FAM72D: variants seen among roughly 807,000 people sequenced by gnomAD.
The protein encoded by FAM72D is RUMY family member 4, also known as protein FAM72D.
For synonymous variants in FAM72D, 4 were observed against 35.1 expected (o/e 0.11, Z 3.13); for missense variants, 9 against 104.7 (o/e 0.09, Z 3.99).
intron 3 of FAM72D, among the ~76,000 whole-genome samples, chr1:145,105,781 C>T (rs1553638374): frequency 6.7e-5 from 10 of 148,166 alleles, no homozygotes; most frequent in Admixed American, 4.7e-4. Flanking sequence ...GGAGAAACCC[C>T]GTCTCTACTA....
At chr1:145,107,110 G>C (rs1553638502) in intron 3 of FAM72D, among the ~76,000 whole-genome samples, 2 of 75,618 alleles carry the variant, frequency 2.6e-5, no homozygotes, top group Admixed American at 2.7e-4. Context: ...CTCCAGCCTG[G>C]GCAACAGAGT....
chr1:145,105,999 G>T, intron 3 of FAM72D, among the ~76,000 whole-genome samples: 1 of 145,706 alleles, frequency 6.9e-6, no homozygotes. Flanking sequence ...GTTTAGTGTA[G>T]CCACCTTCAT....
intron 3 of FAM72D, among the ~76,000 whole-genome samples, chr1:145,105,947 C>T (rs1654904075): frequency 6.8e-6 from 1 of 146,454 alleles, no homozygotes; most frequent in Admixed American, 6.7e-5. Context: ...AGTGAAACTC[C>T]ATCTCAAAAA....
rs9697678 is a variant in FAM72D, at chr1:145,100,735, G to A, written c.230+1670G>A. Among the ~76,000 whole-genome samples the A allele has an allele frequency of 4.8e-3, 715 of 149,216 alleles. 7 individuals are homozygous for A. The highest frequency in any genetic ancestry group is 0.011 in the African/African-American group (450 of 39,372). On this transcript the variant is annotated intron_variant, in intron 2 of 3. Coordinates refer to ENST00000400889, the MANE Select transcript of FAM72D (RefSeq NM_207418.3). ...TCAAACTCCTGAGCTCAGGCAGTCC[G>A]CCTGCCTTGGCCTCCCTAAGTGCTA...
intron 2 of FAM72D, among the ~76,000 whole-genome samples, chr1:145,101,075 G>A (rs1196206586): frequency 2.0e-5 from 3 of 150,322 alleles, no homozygotes; most frequent in Admixed American, 1.3e-4. Flanking sequence ...CCGAGTAGCT[G>A]GGACTACAGG....
intron 2 of FAM72D, among the ~76,000 whole-genome samples, chr1:145,102,200 A>G (rs1261511270): frequency 1.0e-4 from 7 of 69,372 alleles, no homozygotes; most frequent in African/African-American, 1.4e-4. Context: ...CACTGAGACT[A>G]AAATTAGAGC....
chr1:145,100,734 C>T (rs1320168004), intron 2 of FAM72D, among the ~76,000 whole-genome samples: 10 of 149,900 alleles, frequency 6.7e-5, no homozygotes, highest in South Asian at 2.1e-4. Flanking sequence ...TCAGGCAGTC[C>T]GCCTGCCTTG....
intron 2 of FAM72D, among the ~76,000 whole-genome samples, chr1:145,101,089 A>G (rs9697523): frequency 0.056 from 8,234 of 146,768 alleles, 504 homozygotes; most frequent in African/African-American, 0.2. Context: ...CTACAGGCAC[A>G]TGCCACCATG....
At chr1:145,107,393 C>G (rs1327659470) in intron 3 of FAM72D, among the ~76,000 whole-genome samples, 1 of 119,334 alleles carries the variant, frequency 8.4e-6, no homozygotes, top group East Asian at 2.5e-4. Flanking sequence ...TACAGGCATA[C>G]GCCCAGCTAA....
In FAM72D at chr1:145,112,487, G is replaced by C. The variant is rs1262522279; in HGVS notation, c.*890G>C. 1.0e-4 allele frequency: 15 copies of C among 147,192 alleles called. 2 individuals are homozygous for C. Among genetic ancestry groups the C allele is most frequent in the African/African-American group, 3.8e-4 (14 of 37,156 alleles). The allele number at this position is 147,192 out of a possible 1,614,324, so 9.1% of individuals were successfully genotyped here. On this transcript the variant is annotated 3_prime_UTR_variant, in exon 4 of 4. Transcript: ENST00000400889. ...AGAGCTACAAAGGAATAGGAAAGTA[G>C]GGTAGTGTTGGATTCTGGTTTTATG... is the stretch of plus-strand genomic sequence containing the variant.
chr1:145,102,708 A>G (rs1245856064), intron 2 of FAM72D, among the ~76,000 whole-genome samples: 1 of 110,688 alleles, frequency 9.0e-6, no homozygotes, highest in African/African-American at 3.3e-5. Flanking sequence ...CGGAGGTTGC[A>G]GGCACTCCAG....
At chr1:145,097,133 G>A in intron 1 of FAM72D, 134 bp downstream of exon 1, 2 of 1,532,164 alleles carry the variant, frequency 1.3e-6, no homozygotes, top group African/African-American at 3.2e-5. Context: ...TGATCCCCTT[G>A]TAATATATCT....
chr1:145,097,238 C>G (rs1553637332), intron 1 of FAM72D, among the ~76,000 whole-genome samples: 2 of 136,572 alleles, frequency 1.5e-5, no homozygotes. Context: ...TGCGACCACA[C>G]ATCTCTTAAG....
intron 3 of FAM72D, among the ~76,000 whole-genome samples, chr1:145,105,678 C>T (rs1457528579): frequency 5.3e-5 from 8 of 149,970 alleles, no homozygotes; most frequent in Non-Finnish European, 7.4e-5. Context: ...AGAGGCCGGG[C>T]GCGGTGGCTC....
intron 2 of FAM72D, among the ~76,000 whole-genome samples, chr1:145,100,862 C>G (rs1473002754): frequency 6.7e-6 from 1 of 150,054 alleles, no homozygotes; most frequent in East Asian, 2.0e-4. Flanking sequence ...TCTCAAACTC[C>G]TGACCTCAAG....
chr1:145,102,024 A>T (rs1198361348), intron 2 of FAM72D, among the ~76,000 whole-genome samples: 1 of 127,698 alleles, frequency 7.8e-6, no homozygotes, highest in African/African-American at 3.3e-5. Flanking sequence ...TAGCTAAAAC[A>T]TTCCCTGTAG....
intron 3 of FAM72D, among the ~76,000 whole-genome samples, chr1:145,106,075 C>G (rs1553638415): frequency 3.0e-5 from 4 of 133,100 alleles, no homozygotes; most frequent in Non-Finnish European, 6.4e-5. Flanking sequence ...TTTTGCTTCA[C>G]CTGAACTTGT....
rs781845665 is a variant in FAM72D, at chr1:145,096,989, C to T, written c.142C>T (p.Pro48Ser). 4 of 1,089,994 alleles carry T rather than the reference C, an allele frequency of 3.7e-6. No homozygotes were observed. In the South Asian group the frequency reaches 4.3e-5, roughly 12 times the overall value. The allele number at this position is 1,089,994 out of a possible 1,614,324, so 67.5% of individuals were successfully genotyped here. The change falls in exon 1 of 4, where the codon CCT becomes TCT. Residue 48 changes from proline to serine, a missense_variant. Pro to Ser is a moderately conservative substitution (Grantham distance 74). Transcript: ENST00000400889. The part of the protein sequence containing the change: ...TEIDLFSTDI[P>S]PTNAVDFTGR... The stretch of plus-strand genomic sequence containing the variant: ...AATAGACCTTTTCTCTACAGACATC[C>T]CTCCTACCAAGTAAGTCATGCTAGT...
intron 3 of FAM72D, among the ~76,000 whole-genome samples, chr1:145,103,861 C>G (rs1553638200): frequency 6.7e-6 from 1 of 150,022 alleles, no homozygotes; most frequent in African/African-American, 2.5e-5. Context: ...TCAAAAAATA[C>G]TTATTCGGCC....
Sources: gnomAD v4.1 joint callset for allele counts (sites outside exome capture counted in the v4.1 genomes callset) on GRCh38, gnomAD v4.1.1 for gene constraint, MANE v1.5 for transcripts, NCBI Gene and HGNC (gene_info 2026-07-23, HGNC 2026-07-21) for gene names.